CGN: variants seen among roughly 807,000 people sequenced by gnomAD.
The protein encoded by CGN is cingulin.
A neutral mutation model predicts 157.1 loss-of-function variants in CGN; 121 were observed. The observed-to-expected ratio is 0.77, with a 90% CI of 0.66 to 0.90. The LOEUF (loss-of-function observed/expected upper bound fraction) is 0.90. Ranked by LOEUF, CGN falls within the 40% of genes least tolerant of loss-of-function variation. The probability of loss-of-function intolerance (pLI) is 0.00; values close to 1 mark genes in which losing one functional copy is unlikely to be tolerated. For synonymous variants in CGN, 535 were observed against 607.5 expected (o/e 0.88, Z 1.76); for missense variants, 1,424 against 1,520.9 (o/e 0.94, Z 1.06).
intron 1 of CGN, among the ~76,000 whole-genome samples, chr1:151,517,638 G>A (rs1664444192): frequency 6.6e-6 from 1 of 151,834 alleles, no homozygotes; most frequent in Non-Finnish European, 1.5e-5. Context: ...AGCCTCCTGA[G>A]TAGCTGGGAT....
intron 12 of CGN, 24 bp from the exon 13 acceptor site, chr1:151,530,465 C>T (rs1664807673): frequency 6.5e-7 from 1 of 1,539,664 alleles, no homozygotes; most frequent in Non-Finnish European, 8.7e-7. Context: ...TTTCTCAGTC[C>T]AACCCTGCTT....
At chr1:151,529,213 G>C in intron 10 of CGN, 137 bp from the exon 11 acceptor site, 1 of 672,772 alleles carries the variant, frequency 1.5e-6, no homozygotes, top group South Asian at 2.0e-5. Flanking sequence ...AACTTTTTGA[G>C]AAACTGCCAA....
chr1:151,536,371 A>T, intron 19 of CGN, 26 bp downstream of exon 19: 1 of 1,287,346 alleles, frequency 7.8e-7, no homozygotes, highest in Non-Finnish European at 1.1e-6. Flanking sequence ...CCTGGAGCCA[A>T]GCAACCTGGG....
chr1:151,534,082 A>G lies in CGN; in HGVS notation c.2850A>G (p.Ala950=). Residue 950 remains alanine (A), a synonymous_variant, in exon 15 of 21, where the codon GCA becomes GCG. Coordinates refer to ENST00000271636, the MANE Select transcript of CGN (RefSeq NM_020770.3). ...GACTGCAGGGGCTGGAGCAAGAGGC[A>G]GAGAACAAGAAGCGTTCCCAGGACG... ...AQRLQGLEQE[A]ENKKRSQDDR... is the part of the protein sequence containing the mutation. The G allele has an allele frequency of 6.2e-7, 1 of 1,613,076 alleles. No homozygotes were observed. The highest frequency in any genetic ancestry group is 8.5e-7 in the Non-Finnish European group (1 of 1,179,548).
chr1:151,511,907 A>G lies in CGN; in HGVS notation c.-15+392A>G, dbSNP rs1192502398. On this transcript the variant is annotated intron_variant, in intron 1 of 20. Transcript: ENST00000271636. The surrounding 1 kb of genome is among the most constrained non-coding windows in gnomAD (Gnocchi z 4.8). ...GGAACTGCTGCTGCCTGAGGTGCAG[A>G]CTCGCCAGGGGAGGGCATCTGCAGG... 1.3e-5 allele frequency among the ~76,000 whole-genome samples: 2 copies of G among 152,116 alleles called. No homozygotes were observed. Among genetic ancestry groups the G allele is most frequent in the East Asian group, 3.9e-4 (2 of 5,174 alleles).
In CGN at chr1:151,530,678, C is replaced by T. The variant is rs746815777; in HGVS notation, c.2503C>T (p.Arg835Ter). The change falls in exon 13 of 21, where the codon CGA (arginine) becomes TGA (stop). Residue 835 changes from arginine to a stop codon, truncating the protein, a stop_gained. Coordinates refer to ENST00000271636, the MANE Select transcript of CGN (RefSeq NM_020770.3). LOFTEE classifies it high-confidence loss of function. ...EEGKQREVLR[R>*]GKAELEEQKR... Reference sequence around the variant, plus strand: ...AGGGAAGCAGCGGGAGGTGCTCCGGCGAGGCAAGGCTGAGCTGGAGGAGCA... The same window carrying T: ...AGGGAAGCAGCGGGAGGTGCTCCGGTGAGGCAAGGCTGAGCTGGAGGAGCA... 1.4e-5 allele frequency: 22 copies of T among 1,564,016 alleles called. No homozygotes were observed. The highest frequency in any genetic ancestry group is 1.5e-5 in the Non-Finnish European group (17 of 1,153,540).
In CGN at chr1:151,529,927, G is replaced by C. The variant is rs1035871284; in HGVS notation, c.2125G>C (p.Ala709Pro). ...TCCTTAGGCTAAGATGGTGGCCGAGGCAGAGGCAACAGTGCTGGGGCAGCG... is the reference window on the plus strand; with the variant it reads ...TCCTTAGGCTAAGATGGTGGCCGAGCCAGAGGCAACAGTGCTGGGGCAGCG... ...EASKAKMVAE[A>P]EATVLGQRRA... Residue 709 changes from alanine (A) to proline (P), a missense_variant, in exon 12 of 21, where the codon GCA becomes CCA. This residue lies in a region of CGN where 1,187 missense variants were observed against 1,217.6 expected (regional missense o/e 0.97). Coordinates refer to ENST00000271636, the MANE Select transcript of CGN (RefSeq NM_020770.3). 1.2e-6 allele frequency: 2 copies of C among 1,613,900 alleles called. No individual in the cohort carries two copies. Among genetic ancestry groups the C allele is most frequent in the East Asian group, 4.5e-5 (2 of 44,882 alleles).
chr1:151,523,685 G>C, intron 6 of CGN, 124 bp downstream of exon 6: 1 of 1,000,898 alleles, frequency 1.0e-6, no homozygotes, highest in Non-Finnish European at 1.4e-6. Context: ...GAAAGGGGCA[G>C]TGTTGGTTTA....
intron 4 of CGN, 30 bp downstream of exon 4, chr1:151,520,513 G>C (rs745630003): frequency 2.5e-6 from 4 of 1,612,934 alleles, no homozygotes; most frequent in Non-Finnish European, 3.4e-6. Context: ...TGGGAGCAAG[G>C]GTCAAGGTTA....
In CGN at chr1:151,518,614, T is replaced by C; in HGVS notation, c.95T>C (p.Met32Thr). 6.2e-7 allele frequency: 1 copy of C among 1,614,002 alleles called. No homozygotes were observed. The highest frequency in any genetic ancestry group is 1.7e-5 in the Admixed American group (1 of 59,992). ...ACAGAGCCAGTGAGTGGTGCAGAGA[T>C]GGGCACTCTACGTCGAGGTGGACGA... is the stretch of plus-strand genomic sequence containing the variant. ...FITEPVSGAE[M>T]GTLRRGGRRP... Residue 32 changes from methionine to threonine, a missense_variant, in exon 2 of 21, where the codon ATG (methionine) becomes ACG (threonine). Coordinates refer to ENST00000271636, the MANE Select transcript of CGN (RefSeq NM_020770.3).
Position 151,524,510 on chromosome 1 carries a change from G to A in CGN, c.1401+152G>A. 2 of 1,322,424 alleles carry A rather than the reference G, an allele frequency of 1.5e-6. No individual in the cohort carries two copies. The highest frequency in any genetic ancestry group is 2.4e-5 in the East Asian group (1 of 41,604). 81.9% of individuals were successfully genotyped at this position (1,322,424 alleles called of 1,614,324 possible). On this transcript the variant is annotated intron_variant, in intron 7 of 20. Transcript: ENST00000271636. This position sits in a 1 kb window ranked among gnomAD's most constrained non-coding sequence, Gnocchi z 4.4. Reference sequence around the variant, plus strand: ...TCAGGTAGATTCAATGGTGTGTTGGGACTAGAGTTAGGATAAAGGAAACCT... The same window carrying A: ...TCAGGTAGATTCAATGGTGTGTTGGAACTAGAGTTAGGATAAAGGAAACCT...
At chr1:151,534,956 A>G in intron 15 of CGN, 86 bp from the exon 16 acceptor site, 1 of 916,298 alleles carries the variant, frequency 1.1e-6, no homozygotes, top group Non-Finnish European at 1.8e-6. Context: ...AAGTCTGTTA[A>G]TGCTGGAGTT....
At chr1:151,535,337 A>G (rs983690690) in intron 16 of CGN, among the ~76,000 whole-genome samples, 1 of 152,040 alleles carries the variant, frequency 6.6e-6, no homozygotes, top group Non-Finnish European at 1.5e-5. Flanking sequence ...GGAGGAAGGG[A>G]TCCTGGTGGC....
Position 151,530,089 on chromosome 1 carries a change from C to T in CGN, c.2287C>T (p.Leu763=). 1 of 1,613,456 alleles carries T rather than the reference C, an allele frequency of 6.2e-7. No homozygotes were observed. Among genetic ancestry groups the T allele is most frequent in the Non-Finnish European group, 8.5e-7 (1 of 1,179,516 alleles). Residue 763 remains leucine, a synonymous_variant, in exon 12 of 21, where the codon CTA becomes TTA. Transcript: ENST00000271636. ...VDGGEAVEAR[L]RDKLQRLEAE... ...TGGTGGGGAAGCGGTGGAGGCACGA[C>T]TACGGGACAAGCTGCAGCGGCTGGA...
Position 151,534,117 on chromosome 1 carries a change from G to C in CGN, c.2885G>C (p.Arg962Pro). ...NKKRSQDDRA[R>P]QLKGLEEKVS... ...AAGCGTTCCCAGGACGACAGGGCCC[G>C]GCAGCTGAAGGGTCTCGAGGTGAGG... The change falls in exon 15 of 21, where the codon CGG (arginine) becomes CCG (proline). Residue 962 changes from arginine to proline, a missense_variant. Arg to Pro is a moderately radical substitution (Grantham distance 103). Around this residue, in one of 3 missense-constraint regions of CGN, gnomAD observed 199 missense variants for 272.2 expected, o/e 0.73. Transcript: ENST00000271636. The C allele has an allele frequency of 6.3e-7, 1 of 1,596,446 alleles. No individual in the cohort carries two copies. Among genetic ancestry groups the C allele is most frequent in the Admixed American group, 1.8e-5 (1 of 56,702 alleles).
intron 1 of CGN, among the ~76,000 whole-genome samples, chr1:151,514,047 G>A (rs571245940): frequency 6.6e-5 from 10 of 152,294 alleles, no homozygotes; most frequent in African/African-American, 1.7e-4. Flanking sequence ...CCTTGGTCCC[G>A]CCCCACTGTC....
intron 5 of CGN, among the ~76,000 whole-genome samples, chr1:151,523,051 A>G (rs750782041): frequency 6.6e-6 from 1 of 152,138 alleles, no homozygotes; most frequent in Non-Finnish European, 1.5e-5. Context: ...CTCACAATAT[A>G]ACAGCTATTT....
intron 13 of CGN, 77 bp from the exon 14 acceptor site, chr1:151,532,325 G>A (rs1664853811): frequency 8.6e-7 from 1 of 1,158,966 alleles, no homozygotes; most frequent in Non-Finnish European, 1.2e-6. Flanking sequence ...GAGACCCTTA[G>A]GGGAGAGTCT....
At chr1:151,534,572 T>C (rs771599578) in intron 15 of CGN, 3 of 245,546 alleles carry the variant, frequency 1.2e-5, no homozygotes, top group Admixed American at 5.3e-5. Flanking sequence ...TGAAGGAAAC[T>C]GAGGCACAGA....
Sources: allele counts gnomAD v4.1 joint callset (sites outside exome capture counted in the v4.1 genomes callset), GRCh38; gene constraint gnomAD v4.1.1; regional missense constraint gnomAD v4.1.1; non-coding constraint Gnocchi (gnomAD v3.1); transcripts MANE v1.5; gene names NCBI Gene and HGNC (gene_info 2026-07-23, HGNC 2026-07-21).